The following NHSL2 variants were observed in gnomAD, a reference collection of about 807,000 sequenced individuals.
The protein encoded by NHSL2 is NHS-like protein 2.
A neutral mutation model predicts 53.4 loss-of-function variants in NHSL2; 27 were observed. The ratio of observed to expected loss-of-function variants is 0.51; its 90% CI spans 0.37 to 0.70. NHSL2 has a LOEUF of 0.70. NHSL2 is among the 30% of genes least tolerant of loss of function. The pLI is 0.00. For synonymous variants in NHSL2, 408 were observed against 404.1 expected, an observed-to-expected ratio of 1.01 and a Z score of -0.12; for missense variants, 892 against 980.1, an observed-to-expected ratio of 0.91 and a Z score of 1.20.
intron 1 of NHSL2, among the ~76,000 whole-genome samples, chrX:71,982,914 C>T: frequency 8.9e-6 from 1 of 112,375 alleles, no homozygotes; most frequent in Non-Finnish European, 1.9e-5. Flanking sequence ...CAATTTGAAG[C>T]TGGTTGTCCA....
chrX:71,979,695 T>C (rs2041965829), intron 1 of NHSL2, among the ~76,000 whole-genome samples: 1 of 112,143 alleles, frequency 8.9e-6, no homozygotes, highest in Admixed American at 9.4e-5. Context: ...CAAAAATTTT[T>C]TCCCATTCTG....
intron 1 of NHSL2, among the ~76,000 whole-genome samples, chrX:72,049,644 C>T (rs2042328358): frequency 9.2e-6 from 1 of 108,635 alleles, no homozygotes; most frequent in Admixed American, 9.9e-5. Flanking sequence ...TTCCTGGAGC[C>T]TCACTCCTCT....
chrX:72,097,683 C>T (rs1162034866), intron 1 of NHSL2, among the ~76,000 whole-genome samples: 1 of 111,787 alleles, frequency 8.9e-6, no homozygotes. Context: ...TTCTTCCTCT[C>T]TCAATTAAAC....
intron 1 of NHSL2, 45 bp from the exon 2 acceptor site, chrX:72,132,034 C>G: frequency 8.7e-7 from 1 of 1,155,439 alleles, no homozygotes; most frequent in South Asian, 1.9e-5. Flanking sequence ...CGCGCCGCTC[C>G]CCTCCAGCTC....
chrX:71,969,938 T>G (rs2041918423), intron 1 of NHSL2, among the ~76,000 whole-genome samples: 1 of 111,406 alleles, frequency 9.0e-6, no homozygotes. Flanking sequence ...GGTTGGGATG[T>G]TTCCTTCTAT....
intron 1 of NHSL2, among the ~76,000 whole-genome samples, chrX:71,949,207 G>A (rs763971539): frequency 6.3e-5 from 7 of 111,410 alleles, no homozygotes; most frequent in Non-Finnish European, 1.3e-4. Context: ...GCTCTTACTT[G>A]ATCAAATAAA....
intron 1 of NHSL2, among the ~76,000 whole-genome samples, chrX:72,005,458 C>A (rs921612291): frequency 8.9e-6 from 1 of 111,879 alleles, no homozygotes; most frequent in Admixed American, 9.4e-5. Flanking sequence ...CTGTGCATTG[C>A]AGGATGTTTA....
intron 1 of NHSL2, among the ~76,000 whole-genome samples, chrX:72,125,595 G>GT (rs1341416944): frequency 1.8e-5 from 2 of 111,794 alleles, no homozygotes; most frequent in Non-Finnish European, 3.8e-5. Context: ...CTGCTTCAGG[G>GT]TTGGGGCAAG....
intron 1 of NHSL2, among the ~76,000 whole-genome samples, chrX:71,976,785 C>T (rs186655662): frequency 1.8e-5 from 2 of 111,777 alleles, no homozygotes; most frequent in African/African-American, 3.2e-5. Context: ...TCCACTAGAC[C>T]GTAGAGAGGG....
intron 1 of NHSL2, among the ~76,000 whole-genome samples, chrX:71,980,569 GGTGT>G (rs60984696): frequency 1.5e-3 from 3 of 2,010 alleles, no homozygotes; most frequent in African/African-American, 6.1e-3. Context: ...GGGTGTGTGG[GGTGT>G]GTGTGTGTGT....
At chrX:72,002,273 G>A (rs750371199) in intron 1 of NHSL2, among the ~76,000 whole-genome samples, 11 of 111,934 alleles carry the variant, frequency 9.8e-5, no homozygotes, top group African/African-American at 2.3e-4. Flanking sequence ...GCTCCTAAAG[G>A]CATTTGAGTT....
In NHSL2 at chrX:72,150,065, A is replaced by G. The variant is rs1252172558; in HGVS notation, c.*6491A>G. ...ATGAATTTCCCAGGTATTTCAATGAACTAATATATATGCTTTAAGGGAAAA... is the reference window on the plus strand; with the variant it reads ...ATGAATTTCCCAGGTATTTCAATGAGCTAATATATATGCTTTAAGGGAAAA... On this transcript the variant is annotated 3_prime_UTR_variant, in exon 8 of 8. Transcript: ENST00000633930. The G allele has an allele frequency of 1.8e-5, 2 of 112,824 alleles. No individual in the cohort carries two copies. The highest frequency in any genetic ancestry group is 3.7e-5 in the Non-Finnish European group (2 of 53,373). The allele number at this position is 112,824 out of a possible 1,213,427, so 9.3% of individuals were successfully genotyped here. A position where few individuals can be genotyped will look rare whatever the true frequency, so the allele number is the denominator to read the frequency against.
chrX:71,969,593 G>A (rs2041917066), intron 1 of NHSL2, among the ~76,000 whole-genome samples: 1 of 112,299 alleles, frequency 8.9e-6, no homozygotes, highest in Admixed American at 9.4e-5. Context: ...GATTACAGGC[G>A]TGAGCCATCA....
intron 1 of NHSL2, among the ~76,000 whole-genome samples, chrX:72,022,021 C>A (rs1234733581): frequency 8.9e-6 from 1 of 111,896 alleles, no homozygotes; most frequent in African/African-American, 3.3e-5. Flanking sequence ...GGTGCCTCTG[C>A]TCTCTGGGAT....
chrX:71,984,787 C>G lies in NHSL2; in HGVS notation c.280+73420C>G, dbSNP rs148225399. On this transcript the variant is annotated intron_variant, in intron 1 of 7. Transcript: ENST00000633930. Reference sequence around the variant, plus strand: ...CAAGAATAATTATTTTTCACATAAGCCCTTTTTAAATTGGCTTTAATGGAG... The same window carrying G: ...CAAGAATAATTATTTTTCACATAAGGCCTTTTTAAATTGGCTTTAATGGAG... Among the ~76,000 whole-genome samples, 574 of 109,100 alleles carry G rather than the reference C, an allele frequency of 5.3e-3. 4 individuals carry two copies. The highest frequency in any genetic ancestry group is 9.4e-3 in the Middle Eastern group (2 of 212). The allele number at this position is 109,100 out of a possible 115,157, so 94.7% of individuals were successfully genotyped here.
Position 72,040,921 on chromosome X carries a change from C to G in NHSL2, c.281-91158C>G, listed in dbSNP as rs760766406. ...AGATGAGGAATGCCCAGTCCCTACCCTTGAGAAACACATAATTTAGAAGCA... is the reference window on the plus strand; with the variant it reads ...AGATGAGGAATGCCCAGTCCCTACCGTTGAGAAACACATAATTTAGAAGCA... On this transcript the variant is annotated intron_variant, in intron 1 of 7. Transcript: ENST00000633930. 2.7e-5 allele frequency among the ~76,000 whole-genome samples: 3 copies of G among 112,540 alleles called. No homozygotes were observed. In the East Asian group the frequency reaches 8.3e-4, roughly 31 times the overall value.
intron 1 of NHSL2, among the ~76,000 whole-genome samples, chrX:72,033,282 G>A (rs1410959947): frequency 9.2e-6 from 1 of 108,683 alleles, no homozygotes; most frequent in Admixed American, 9.7e-5. Flanking sequence ...CGACTCCCGG[G>A]TTCAAGTGAT....
At chrX:71,933,384 C>CTT (rs199702755) in intron 1 of NHSL2, among the ~76,000 whole-genome samples, 8 of 100,534 alleles carry the variant, frequency 8.0e-5, no homozygotes, top group African/African-American at 1.8e-4. Context: ...GTGCACTTAA[C>CTT]TTTTTTTTTT....
At position 72,131,636 on chromosome X, in the gene NHSL2, G is replaced by C. The variant is rs1201132325; in HGVS notation, c.281-443G>C. The C allele has an allele frequency of 1.0e-5, 9 of 895,803 alleles. No individual in the cohort carries two copies. The South Asian group carries it at 2.1e-4, about 21-fold the overall frequency. The allele number at this position is 895,803 out of a possible 1,213,427, so 73.8% of individuals were successfully genotyped here. On this transcript the variant is annotated intron_variant, in intron 1 of 7. Coordinates refer to ENST00000633930, the MANE Select transcript of NHSL2 (RefSeq NM_001013627.3). ...AGGCCGAAATGCGGCGGCGGGGCTCGGGAGGGACCGAAGTGCGGCAGCGGG... is the reference window on the plus strand; with the variant it reads ...AGGCCGAAATGCGGCGGCGGGGCTCCGGAGGGACCGAAGTGCGGCAGCGGG...
Sources: allele counts gnomAD v4.1 joint callset (sites outside exome capture counted in the v4.1 genomes callset), GRCh38; gene constraint gnomAD v4.1.1; transcripts MANE v1.5; gene names NCBI Gene and HGNC (gene_info 2026-07-23, HGNC 2026-07-21).